Variants in RBFOX1 observed in about 807,000 individuals in gnomAD.
RBFOX1 encodes RNA binding fox-1 homolog 1.
A neutral mutation model predicts 57.7 loss-of-function variants in RBFOX1; 8 were observed. That is an observed-to-expected ratio of 0.14 (90% CI 0.08 to 0.25). RBFOX1 has a LOEUF of 0.25. RBFOX1 is among the 10% of genes least tolerant of loss of function. The probability of loss-of-function intolerance (pLI) is 1.00; values close to 1 mark genes in which losing one functional copy is unlikely to be tolerated. For synonymous variants in RBFOX1, 326 were observed against 222.4 expected (o/e 1.47, Z -4.15); for missense variants, 611 against 548.5 (o/e 1.11, Z -1.14).
intron 4 of RBFOX1, among the ~76,000 whole-genome samples, chr16:7,313,009 T>C (rs2096353359): frequency 6.6e-6 from 1 of 152,094 alleles, no homozygotes. Context: ...TGCATTTTCA[T>C]GCCCTGGATC....
intron 3 of RBFOX1, among the ~76,000 whole-genome samples, chr16:6,905,302 C>G (rs552070861): frequency 6.6e-6 from 1 of 151,810 alleles, no homozygotes; most frequent in Non-Finnish European, 1.5e-5. Flanking sequence ...TCCTGTAATC[C>G]TAGAACTTTG....
chr16:7,451,353 T>G (rs1363387722), intron 4 of RBFOX1, among the ~76,000 whole-genome samples: 1 of 152,216 alleles, frequency 6.6e-6, no homozygotes, highest in Non-Finnish European at 1.5e-5. Context: ...TTTATTTTGA[T>G]TGAGATAGTT....
intron 3 of RBFOX1, among the ~76,000 whole-genome samples, chr16:5,751,253 T>C (rs1479399621): frequency 6.6e-6 from 1 of 152,204 alleles, no homozygotes; most frequent in African/African-American, 2.4e-5. Flanking sequence ...ATTATGAAGT[T>C]TCTTCTCAGC....
intron 4 of RBFOX1, among the ~76,000 whole-genome samples, chr16:7,365,263 A>G (rs144699561): frequency 1.3e-5 from 2 of 152,244 alleles, no homozygotes; most frequent in Admixed American, 6.5e-5. Context: ...TCAATGGGGT[A>G]ATAAATATGT....
chr16:7,221,149 C>G (rs193155915), intron 4 of RBFOX1, among the ~76,000 whole-genome samples: 70 of 152,216 alleles, frequency 4.6e-4, no homozygotes, highest in Middle Eastern at 3.4e-3. Flanking sequence ...TTGAATGTCT[C>G]TATAATATCT....
At chr16:5,743,102 C>G (rs930934923) in intron 3 of RBFOX1, among the ~76,000 whole-genome samples, 2 of 152,138 alleles carry the variant, frequency 1.3e-5, no homozygotes, top group Non-Finnish European at 2.9e-5. Context: ...CTCACAATCA[C>G]ACTAACGGTG....
At chr16:6,210,998 C>T (rs1300991707) in intron 1 of RBFOX1, among the ~76,000 whole-genome samples, 1 of 151,962 alleles carries the variant, frequency 6.6e-6, no homozygotes, top group Non-Finnish European at 1.5e-5. Flanking sequence ...TCAGCTGAAC[C>T]AAGTAGAGGG....
rs868860333 is a variant in RBFOX1 at position 5,952,723 on chromosome 16, G to C, written c.351+85388G>C. On this transcript the variant is annotated intron_variant, in intron 4 of 19. Coordinates refer to the RBFOX1 transcript ENST00000641259. Reference sequence around the variant, plus strand: ...GTGACACAGAATTCTTCCACGGATGGGCATCTCTCTGGGGTTTCCCTGTTA... The same window carrying C: ...GTGACACAGAATTCTTCCACGGATGCGCATCTCTCTGGGGTTTCCCTGTTA... 5.4e-4 allele frequency among the ~76,000 whole-genome samples: 82 copies of C among 152,076 alleles called. 1 individual carries two copies. The highest frequency in any genetic ancestry group is 1.5e-4 in the Non-Finnish European group (10 of 68,030).
At chr16:7,316,628 G>A (rs1258599316) in intron 4 of RBFOX1, among the ~76,000 whole-genome samples, 1 of 152,138 alleles carries the variant, frequency 6.6e-6, no homozygotes, top group African/African-American at 2.4e-5. Context: ...TCACATAACT[G>A]TGCCTTGCCA....
In RBFOX1 at chr16:6,391,280, C is replaced by T. The variant is rs138303553; in HGVS notation, c.-64+74223C>T. 4.6e-5 allele frequency among the ~76,000 whole-genome samples: 7 copies of T among 152,168 alleles called. No individual in the cohort carries two copies. The South Asian group carries it at 1.0e-3, about 23-fold the overall frequency. ...ATCCCAGCACTTTGGGAGGCCCAGGCGGGCCGATCACGAGGTCAGGAGATC... is the reference window on the plus strand; with the variant it reads ...ATCCCAGCACTTTGGGAGGCCCAGGTGGGCCGATCACGAGGTCAGGAGATC... On this transcript the variant is annotated intron_variant, in intron 2 of 15. Coordinates refer to ENST00000550418, the MANE Select transcript of RBFOX1 (RefSeq NM_018723.4).
chr16:5,256,254 G>C (rs2062588413), intron 1 of RBFOX1, among the ~76,000 whole-genome samples: 1 of 152,182 alleles, frequency 6.6e-6, no homozygotes, highest in African/African-American at 2.4e-5. Context: ...GACAGGATGT[G>C]ACCGAGTTAG....
chr16:7,426,869 T>G (rs1365762016), intron 4 of RBFOX1, among the ~76,000 whole-genome samples: 1 of 152,132 alleles, frequency 6.6e-6, no homozygotes, highest in East Asian at 1.9e-4. Flanking sequence ...GCATCAGCAT[T>G]CCTGCACGGC....
intron 4 of RBFOX1, among the ~76,000 whole-genome samples, chr16:7,471,230 C>T (rs890537088): frequency 1.3e-5 from 2 of 152,164 alleles, no homozygotes; most frequent in African/African-American, 2.4e-5. Context: ...ATAAAGTTAA[C>T]ACCACTTAAC....
At chr16:7,487,202 C>T (rs980276778) in intron 4 of RBFOX1, among the ~76,000 whole-genome samples, 1 of 152,180 alleles carries the variant, frequency 6.6e-6, no homozygotes, top group South Asian at 2.1e-4. Context: ...GCCTTAACCA[C>T]TTTCAGGCAT....
At chr16:7,204,312 A>G (rs1301628293) in intron 4 of RBFOX1, among the ~76,000 whole-genome samples, 4 of 152,214 alleles carry the variant, frequency 2.6e-5, no homozygotes, top group Non-Finnish European at 4.4e-5. Context: ...GAGGGAGGAC[A>G]GGATTGCAAA....
At chr16:6,733,709 G>C (rs1415028258) in intron 3 of RBFOX1, among the ~76,000 whole-genome samples, 1 of 152,072 alleles carries the variant, frequency 6.6e-6, no homozygotes, top group African/African-American at 2.4e-5. Flanking sequence ...AGTGAACTGA[G>C]ATCACACCAC....
intron 3 of RBFOX1, among the ~76,000 whole-genome samples, chr16:6,673,445 G>A (rs566608725): frequency 1.6e-4 from 25 of 152,032 alleles, no homozygotes; most frequent in East Asian, 1.4e-3. Context: ...AAAATTAGTC[G>A]GGCCTGGTGG....
chr16:6,432,359 C>G (rs1490956177), intron 2 of RBFOX1, among the ~76,000 whole-genome samples: 1 of 152,014 alleles, frequency 6.6e-6, no homozygotes, highest in African/African-American at 2.4e-5. Flanking sequence ...GCTTGTATCT[C>G]AAAATCTTCA....
intron 3 of RBFOX1, among the ~76,000 whole-genome samples, chr16:6,973,744 C>G (rs1237340120): frequency 6.6e-6 from 1 of 152,150 alleles, no homozygotes; most frequent in Non-Finnish European, 1.5e-5. Context: ...GCGAGCATAA[C>G]TGCACTGTGT....
Sources: gnomAD v4.1 joint callset for allele counts (sites outside exome capture counted in the v4.1 genomes callset) on GRCh38, gnomAD v4.1.1 for gene constraint, MANE v1.5 for transcripts, NCBI Gene and HGNC (gene_info 2026-07-23, HGNC 2026-07-21) for gene names.